Variants in NCOA6 observed in about 807,000 individuals in gnomAD.
NCOA6 encodes the protein nuclear receptor coactivator 6.
NCOA6 carries 49 observed loss-of-function variants against 171.4 expected under a neutral mutation model. The observed-to-expected ratio is 0.29, with a 90% CI of 0.23 to 0.36. The LOEUF is 0.36. Among genes scored for constraint, NCOA6 ranks in the 10% least tolerant of loss-of-function variants. The probability of loss-of-function intolerance (pLI) is 1.00; values close to 1 mark genes in which losing one functional copy is unlikely to be tolerated. For synonymous variants in NCOA6, 910 were observed against 927.5 expected (o/e 0.98, Z 0.34); for missense variants, 2,248 against 2,554.5 (o/e 0.88, Z 2.59).
chr20:34,754,369 G>C (rs1278567325), intron 8 of NCOA6, among the ~76,000 whole-genome samples: 1 of 152,152 alleles, frequency 6.6e-6, no homozygotes, highest in Non-Finnish European at 1.5e-5. Context: ...TTTATGTATT[G>C]TCTATGGCTA....
chr20:34,800,198 T>C (rs551180486), intron 1 of NCOA6, among the ~76,000 whole-genome samples: 87 of 151,936 alleles, frequency 5.7e-4, no homozygotes, highest in African/African-American at 2.1e-3. Flanking sequence ...GCAACCCTCA[T>C]GATAAACTCA....
chr20:34,730,034 G>T (rs953040664), intron 13 of NCOA6, among the ~76,000 whole-genome samples: 3 of 150,850 alleles, frequency 2.0e-5, no homozygotes, highest in African/African-American at 7.3e-5. Flanking sequence ...AATGGTCAAA[G>T]CTTCTGAGGA....
intron 3 of NCOA6, among the ~76,000 whole-genome samples, chr20:34,778,416 G>C (rs898040313): frequency 6.6e-6 from 1 of 151,726 alleles, no homozygotes. Flanking sequence ...GTTATTCAAT[G>C]GTTAGAGACG....
At chr20:34,723,514 CA>C (rs753775930) in intron 14 of NCOA6, among the ~76,000 whole-genome samples, 12 of 152,088 alleles carry the variant, frequency 7.9e-5, no homozygotes, top group Admixed American at 2.0e-4. Flanking sequence ...AGGGACAGGC[CA>C]GAGCTATGCC....
intron 1 of NCOA6, chr20:34,809,549 GGAA>G (rs2078582242): frequency 2.5e-6 from 1 of 398,404 alleles, no homozygotes; most frequent in African/African-American, 2.1e-5. Flanking sequence ...AAGGGCAAGA[GGAA>G]GAAGAGAAAC....
intron 9 of NCOA6, among the ~76,000 whole-genome samples, chr20:34,747,415 T>C (rs956105335): frequency 5.9e-5 from 9 of 152,206 alleles, no homozygotes; most frequent in African/African-American, 2.2e-4. Flanking sequence ...CAAAGAAAGA[T>C]TGAGACCACC....
At chr20:34,743,784 ACTT>A (rs371089480) in intron 10 of NCOA6, among the ~76,000 whole-genome samples, 12 of 152,352 alleles carry the variant, frequency 7.9e-5, no homozygotes, top group South Asian at 2.1e-4. Flanking sequence ...TTTAGGATTC[ACTT>A]CTTCTGTTAG....
intron 4 of NCOA6, among the ~76,000 whole-genome samples, chr20:34,772,013 C>A (rs58978323): frequency 6.6e-6 from 1 of 152,166 alleles, no homozygotes; most frequent in African/African-American, 2.4e-5. Context: ...TAATAGCATT[C>A]TCTTTCACTT....
intron 1 of NCOA6, among the ~76,000 whole-genome samples, chr20:34,815,175 A>G (rs1172477604): frequency 6.6e-6 from 1 of 151,382 alleles, no homozygotes; most frequent in Non-Finnish European, 1.5e-5. Context: ...GGAGGTTGAG[A>G]CTGGCCTGGG....
intron 10 of NCOA6, among the ~76,000 whole-genome samples, chr20:34,744,506 GAAC>G (rs1464378808): frequency 1.3e-5 from 2 of 152,134 alleles, no homozygotes; most frequent in African/African-American, 2.4e-5. Flanking sequence ...GTAGGAATAA[GAAC>G]AACTGGCTCT....
chr20:34,775,187 G>A (rs887260899), intron 4 of NCOA6, among the ~76,000 whole-genome samples: 1 of 152,118 alleles, frequency 6.6e-6, no homozygotes, highest in Non-Finnish European at 1.5e-5. Flanking sequence ...GGATGAGGAA[G>A]GTAGAGGTGA....
intron 8 of NCOA6, among the ~76,000 whole-genome samples, chr20:34,753,166 C>T (rs1013204452): frequency 2.7e-5 from 4 of 150,774 alleles, no homozygotes. Context: ...CCGCCTCAGC[C>T]TCTTAAGTAG....
At chr20:34,793,315 C>T (rs527336024) in intron 1 of NCOA6, among the ~76,000 whole-genome samples, 2 of 152,188 alleles carry the variant, frequency 1.3e-5, no homozygotes, top group South Asian at 4.1e-4. Context: ...ATACAAGACC[C>T]GCTTTTCTAA....
chr20:34,771,759 T>G (rs1021337558), intron 4 of NCOA6, among the ~76,000 whole-genome samples: 2 of 152,218 alleles, frequency 1.3e-5, no homozygotes, highest in Non-Finnish European at 2.9e-5. Flanking sequence ...AACAGTTCTC[T>G]GCACTCTTCG....
At position 34,727,289 on chromosome 20, in the gene NCOA6, G is replaced by A. The variant is rs1407547711; in HGVS notation, c.6118C>T (p.Arg2040Ter). ...VENGHRKRSS[R>*]PASASSSTKD... ...GTAGAGCTGGAGGCTGAAGCAGGTC[G>A]AGAAGATCGTTTACGATGTCCATTT... is the stretch of plus-strand genomic sequence containing the variant. Residue 2040 changes from arginine (R) to a stop codon, truncating the protein, a stop_gained, in exon 14 of 15, where the codon CGA becomes TGA. Coordinates refer to ENST00000359003, the MANE Select transcript of NCOA6 (RefSeq NM_014071.5). LOFTEE classifies it high-confidence loss of function. The A allele has an allele frequency of 6.2e-7, 1 of 1,614,194 alleles. No individual in the cohort carries two copies. Among genetic ancestry groups the A allele is most frequent in the East Asian group, 2.2e-5 (1 of 44,886 alleles).
At chr20:34,715,569 T>C (rs1215702622) in intron 14 of NCOA6, among the ~76,000 whole-genome samples, 1 of 152,064 alleles carries the variant, frequency 6.6e-6, no homozygotes, top group Non-Finnish European at 1.5e-5. Flanking sequence ...TGGGCAGAAT[T>C]GGAATGTGAC....
At chr20:34,790,072 A>G (rs115508393) in intron 2 of NCOA6, among the ~76,000 whole-genome samples, 1,516 of 129,200 alleles carry the variant, frequency 0.012, 25 homozygotes, top group African/African-American at 0.04. Flanking sequence ...CATTTCTACT[A>G]TTAAAAAAAA....
At chr20:34,739,750 G>A (rs2076073369) in intron 11 of NCOA6, among the ~76,000 whole-genome samples, 1 of 152,012 alleles carries the variant, frequency 6.6e-6, no homozygotes, top group Non-Finnish European at 1.5e-5. Context: ...TGACATAGTT[G>A]GTATAAAGAT....
At chr20:34,820,801 A>T (rs2078985993) in intron 1 of NCOA6, 1 of 152,032 alleles carries the variant, frequency 6.6e-6, no homozygotes, top group African/African-American at 2.4e-5. Context: ...TAAAATAAGC[A>T]AGAAACTGGG....
Sources: gnomAD v4.1 joint callset for allele counts (sites outside exome capture counted in the v4.1 genomes callset) on GRCh38, gnomAD v4.1.1 for gene constraint, MANE v1.5 for transcripts, NCBI Gene and HGNC (gene_info 2026-07-23, HGNC 2026-07-21) for gene names.